CADM2: variants seen among roughly 807,000 people sequenced by gnomAD.
CADM2 encodes the protein immunoglobulin superfamily member 4D.
CADM2 carries 12 observed loss-of-function variants against 49.8 expected under a neutral mutation model. The observed-to-expected ratio is 0.24, with a 90% CI of 0.15 to 0.39. The LOEUF (loss-of-function observed/expected upper bound fraction) is 0.39. Ranked by LOEUF, CADM2 falls within the 10% of genes least tolerant of loss-of-function variation. The probability of loss-of-function intolerance (pLI) is 1.00; values close to 1 mark genes in which losing one functional copy is unlikely to be tolerated. For missense variants in CADM2, 378 were observed against 492.3 expected, an observed-to-expected ratio of 0.77 and a Z score of 2.20; for synonymous variants, 214 against 175.4, an observed-to-expected ratio of 1.22 and a Z score of -1.74.
intron 1 of CADM2, among the ~76,000 whole-genome samples, chr3:85,141,396 G>A (rs1373014211): frequency 6.6e-6 from 1 of 152,130 alleles, no homozygotes; most frequent in Non-Finnish European, 1.5e-5. Flanking sequence ...ACAGGGTGTG[G>A]CATATGGGAA....
At chr3:85,697,171 A>G (rs552089178) in intron 1 of CADM2, among the ~76,000 whole-genome samples, 9 of 151,354 alleles carry the variant, frequency 5.9e-5, no homozygotes, top group Non-Finnish European at 1.3e-4. Flanking sequence ...GGTAGATTAT[A>G]TCTATCACAG....
At chr3:85,738,161 TATTCACAATG>T (rs11277588) in intron 2 of CADM2, among the ~76,000 whole-genome samples, 80,509 of 151,482 alleles carry the variant, frequency 0.53, 22,293 homozygotes, top group African/African-American at 0.7. Context: ...CAGTAACGTA[TATTCACAATG>T]ATTCACAATG....
chr3:85,162,294 A>G (rs879899686), intron 1 of CADM2, among the ~76,000 whole-genome samples: 1 of 152,198 alleles, frequency 6.6e-6, no homozygotes, highest in Non-Finnish European at 1.5e-5. Flanking sequence ...TATATATGCC[A>G]TAACACTTGA....
At position 85,373,390 on chromosome 3, in the gene CADM2, G is replaced by C. The variant is rs554944229; in HGVS notation, c.62-353132G>C. On this transcript the variant is annotated intron_variant, in intron 1 of 9. Transcript: ENST00000383699. ...CTGATGCAAGGGGTGGGTTCCCATGGTCTTGGGCAGCTCTGACCCTATGAC... is the reference window on the plus strand; with the variant it reads ...CTGATGCAAGGGGTGGGTTCCCATGCTCTTGGGCAGCTCTGACCCTATGAC... Among the ~76,000 whole-genome samples, 3 of 152,230 alleles carry C rather than the reference G, an allele frequency of 2.0e-5. No homozygotes were observed. In the South Asian group the frequency reaches 6.2e-4, roughly 32 times the overall value.
At chr3:85,615,890 A>G (rs1428982190) in intron 1 of CADM2, among the ~76,000 whole-genome samples, 1 of 151,934 alleles carries the variant, frequency 6.6e-6, no homozygotes, top group Non-Finnish European at 1.5e-5. Context: ...ATTTCATTTC[A>G]GATCTTGTAA....
chr3:85,073,651 G>T lies in CADM2; in HGVS notation c.61+113983G>T, dbSNP rs1264737616. ...TTTTCTAGTAGTCACATTGATACAG[G>T]TATAAAGAAACAGATGAAATTATGC... On this transcript the variant is annotated intron_variant, in intron 1 of 9. Transcript: ENST00000383699. Among the ~76,000 whole-genome samples, 6 of 152,126 alleles carry T rather than the reference G, an allele frequency of 3.9e-5. No individual in the cohort carries two copies. The East Asian group carries it at 1.2e-3, about 29-fold the overall frequency.
chr3:85,056,253 A>T (rs1020158185), intron 1 of CADM2, among the ~76,000 whole-genome samples: 7 of 152,034 alleles, frequency 4.6e-5, no homozygotes, highest in Non-Finnish European at 1.0e-4. Context: ...CACAAATGAG[A>T]GTGGACAGTG....
At chr3:85,725,749 T>G (rs183311717) in intron 1 of CADM2, among the ~76,000 whole-genome samples, 2 of 152,024 alleles carry the variant, frequency 1.3e-5, no homozygotes, top group African/African-American at 4.8e-5. Context: ...AGTAATACAG[T>G]TTTCTAGTCT....
intron 1 of CADM2, among the ~76,000 whole-genome samples, chr3:85,164,344 A>G (rs896423019): frequency 1.3e-5 from 2 of 152,042 alleles, no homozygotes; most frequent in African/African-American, 2.4e-5. Context: ...TACAGACACT[A>G]CCAAGCTATA....
chr3:85,300,357 A>AT lies in CADM2; in HGVS notation c.61+340695dup, dbSNP rs1031003230. 2.0e-5 allele frequency among the ~76,000 whole-genome samples: 3 copies of AT among 152,204 alleles called. No individual in the cohort carries two copies. In the Middle Eastern group the frequency reaches 0.01, roughly 518 times the overall value. ...ACTTCATTCTGAAATTGTTCTTTCT[A>AT]TTTTTTGTGTTACAATATCCTTTTT... is the stretch of plus-strand genomic sequence containing the variant. On this transcript the variant is annotated intron_variant, in intron 1 of 9. Coordinates refer to ENST00000383699, the MANE Select transcript of CADM2 (RefSeq NM_001167675.2).
intron 5 of CADM2, among the ~76,000 whole-genome samples, chr3:85,893,783 A>C (rs538480492): frequency 1.8e-4 from 27 of 152,306 alleles, no homozygotes; most frequent in African/African-American, 6.3e-4. Flanking sequence ...AATGCAAATC[A>C]AAACCACAAT....
chr3:85,589,821 C>A (rs953685636), intron 1 of CADM2, among the ~76,000 whole-genome samples: 1 of 151,744 alleles, frequency 6.6e-6, no homozygotes, highest in African/African-American at 2.4e-5. Context: ...GAACAGTGAT[C>A]ATTAAGAAGG....
intron 1 of CADM2, among the ~76,000 whole-genome samples, chr3:85,600,814 C>G (rs528322916): frequency 6.6e-6 from 1 of 151,028 alleles, no homozygotes; most frequent in South Asian, 2.1e-4. Context: ...GGTGTTGACT[C>G]TATAGAAATG....
At chr3:85,773,918 A>G (rs185855560) in intron 2 of CADM2, among the ~76,000 whole-genome samples, 2 of 152,140 alleles carry the variant, frequency 1.3e-5, no homozygotes, top group South Asian at 2.1e-4. Flanking sequence ...TAATATCGAT[A>G]GACTATTTCC....
intron 8 of CADM2, among the ~76,000 whole-genome samples, chr3:86,016,104 A>G (rs1052317752): frequency 6.6e-6 from 1 of 152,142 alleles, no homozygotes; most frequent in African/African-American, 2.4e-5. Flanking sequence ...TAGAAATTTT[A>G]CTATCATGTA....
intron 1 of CADM2, among the ~76,000 whole-genome samples, chr3:84,991,005 G>A (rs1187314527): frequency 6.6e-6 from 1 of 151,940 alleles, no homozygotes; most frequent in Admixed American, 6.6e-5. Flanking sequence ...AATGCCAAAA[G>A]AACCCTATCA....
At chr3:85,001,023 T>C (rs1347957535) in intron 1 of CADM2, among the ~76,000 whole-genome samples, 1 of 152,080 alleles carries the variant, frequency 6.6e-6, no homozygotes, top group Admixed American at 6.6e-5. Context: ...TGAGAAACAT[T>C]GTGGATATTC....
At chr3:85,156,189 G>T (rs2107656720) in intron 1 of CADM2, among the ~76,000 whole-genome samples, 1 of 151,694 alleles carries the variant, frequency 6.6e-6, no homozygotes, top group East Asian at 1.9e-4. Flanking sequence ...CCAGGAGCTG[G>T]TTTTTTGAAA....
At chr3:85,289,640 G>T (rs548481101) in intron 1 of CADM2, among the ~76,000 whole-genome samples, 1 of 152,002 alleles carries the variant, frequency 6.6e-6, no homozygotes, top group Non-Finnish European at 1.5e-5. Context: ...GTGAAAAACC[G>T]CAATAATTTC....
Sources: allele counts gnomAD v4.1 joint callset (sites outside exome capture counted in the v4.1 genomes callset), GRCh38; gene constraint gnomAD v4.1.1; transcripts MANE v1.5; gene names NCBI Gene and HGNC (gene_info 2026-07-23, HGNC 2026-07-21).